Variants in TEX2 observed in about 807,000 individuals in gnomAD.
TEX2 encodes the protein testis expressed 2.
Under a neutral mutation model 106.9 loss-of-function variants are expected in TEX2, and 53 were observed. The ratio of observed to expected loss-of-function variants is 0.50; its 90% CI spans 0.40 to 0.62. The LOEUF (loss-of-function observed/expected upper bound fraction) is 0.62. Among genes scored for constraint, TEX2 ranks in the 20% least tolerant of loss-of-function variants. TEX2 has a pLI of 0.00. For missense variants in TEX2, 1,207 were observed against 1,379.0 expected, an observed-to-expected ratio of 0.88 and a Z score of 1.98; for synonymous variants, 523 against 534.8, an observed-to-expected ratio of 0.98 and a Z score of 0.30.
At chr17:64,238,907 A>T (rs2033826723) in intron 1 of TEX2, among the ~76,000 whole-genome samples, 2 of 152,198 alleles carry the variant, frequency 1.3e-5, no homozygotes, top group Non-Finnish European at 2.9e-5. Context: ...TAAAAAGCTC[A>T]CTGATAAGCA....
intron 2 of TEX2, 92 bp downstream of exon 2, chr17:64,212,482 T>A: frequency 8.0e-7 from 1 of 1,257,438 alleles, no homozygotes; most frequent in Non-Finnish European, 1.1e-6. Context: ...TGTGCAAAAA[T>A]CTTTAACAGC....
chr17:64,214,791 T>A (rs1266202297), intron 1 of TEX2, among the ~76,000 whole-genome samples: 1 of 152,234 alleles, frequency 6.6e-6, no homozygotes, highest in Admixed American at 6.5e-5. Flanking sequence ...AGTAGCAAAG[T>A]ATCCAAATGT....
At chr17:64,179,240 A>G (rs1976269) in intron 5 of TEX2, among the ~76,000 whole-genome samples, 128,733 of 151,986 alleles carry the variant, frequency 0.85, 54,585 homozygotes, top group Middle Eastern at 0.91. Context: ...TCAGTGCCCT[A>G]TAAAACGCAC....
intron 4 of TEX2, among the ~76,000 whole-genome samples, chr17:64,193,099 T>C (rs2032352601): frequency 6.6e-6 from 1 of 152,178 alleles, no homozygotes; most frequent in South Asian, 2.1e-4. Context: ...AGGTGCTGCA[T>C]GGTTATCAAT....
In TEX2 at chr17:64,213,067, C is replaced by A; in HGVS notation, c.1151G>T (p.Ser384Ile). The change falls in exon 2 of 12, where the codon AGT becomes ATT. Residue 384 changes from serine (S) to isoleucine (I), a missense_variant. This residue lies in a region of TEX2 where 1,067 missense variants were observed against 1,193.6 expected (regional missense o/e 0.89). Transcript: ENST00000584379. This position sits in a 1 kb window ranked among gnomAD's most constrained non-coding sequence, Gnocchi z 4.4. ...GEPTREIELK[S>I]SQGSSLKDLG... ...ATCCTTCAGACTGCTCCCCTGGGAA[C>A]TTTTCAGTTCTATCTCTCTTGTGGG... 3 of 1,614,220 alleles carry A rather than the reference C, an allele frequency of 1.9e-6. No homozygotes were observed. Among genetic ancestry groups the A allele is most frequent in the Non-Finnish European group, 2.5e-6 (3 of 1,180,038 alleles).
Position 64,240,443 on chromosome 17 carries a change from G to A in TEX2, c.-26+22725C>T, listed in dbSNP as rs1191570599. On this transcript the variant is annotated intron_variant, in intron 1 of 11. Coordinates refer to ENST00000584379, the MANE Select transcript of TEX2 (RefSeq NM_001288732.2). ...AGGGTGGAGGTGGAGTTACGAAGAGGAGGGAGCAAGCAGGGCTGTCCTCAG... is the reference window on the plus strand; with the variant it reads ...AGGGTGGAGGTGGAGTTACGAAGAGAAGGGAGCAAGCAGGGCTGTCCTCAG... Among the ~76,000 whole-genome samples, 9 of 152,132 alleles carry A rather than the reference G, an allele frequency of 5.9e-5. 1 individual carries two copies. The highest frequency in any genetic ancestry group is 2.2e-4 in the African/African-American group (9 of 41,404).
At chr17:64,174,804 A>AGATAGTAAGCAGT (rs2031554730) in intron 6 of TEX2, among the ~76,000 whole-genome samples, 1 of 152,234 alleles carries the variant, frequency 6.6e-6, no homozygotes, top group Non-Finnish European at 1.5e-5. Flanking sequence ...CAGCTGGCTA[A>AGATAGTAAGCAGT]GGCCAAGAGC....
chr17:64,262,631 C>A (rs1555638741), intron 1 of TEX2, among the ~76,000 whole-genome samples: 1 of 152,230 alleles, frequency 6.6e-6, no homozygotes, highest in Non-Finnish European at 1.5e-5. Flanking sequence ...CCCCGGATTT[C>A]GGCACGCCGC....
intron 2 of TEX2, among the ~76,000 whole-genome samples, chr17:64,206,565 T>C (rs2032838747): frequency 6.9e-6 from 1 of 145,698 alleles, no homozygotes; most frequent in African/African-American, 2.5e-5. Flanking sequence ...TTTTTTTTTT[T>C]TTTTTTTTTT....
chr17:64,241,811 T>C (rs1555635810), intron 1 of TEX2, among the ~76,000 whole-genome samples: 1 of 152,078 alleles, frequency 6.6e-6, no homozygotes, highest in African/African-American at 2.4e-5. Flanking sequence ...TTTTCAATGT[T>C]TTAAATAGAG....
At chr17:64,186,557 C>T (rs1188010069) in intron 5 of TEX2, among the ~76,000 whole-genome samples, 2 of 152,220 alleles carry the variant, frequency 1.3e-5, no homozygotes, top group Non-Finnish European at 2.9e-5. Flanking sequence ...TGGCTCACGC[C>T]TGTAATCTCA....
intron 1 of TEX2, among the ~76,000 whole-genome samples, chr17:64,228,929 TACACACACAC>T (rs57741930): frequency 0.54 from 78,547 of 146,568 alleles, 22,222 homozygotes; most frequent in Middle Eastern, 0.67. Context: ...GACTGACAGG[TACACACACAC>T]ACACACACAC....
chr17:64,172,161 TGGC>T (rs2031434436), intron 6 of TEX2, among the ~76,000 whole-genome samples: 3 of 151,956 alleles, frequency 2.0e-5, no homozygotes, highest in Admixed American at 1.3e-4. Flanking sequence ...GAGACCATCC[TGGC>T]TAACACGGTG....
chr17:64,188,147 C>G (rs117962928), intron 5 of TEX2, 21 bp downstream of exon 5: 1 of 1,597,954 alleles, frequency 6.3e-7, no homozygotes. Context: ...GAAAAAGGTC[C>G]GGCCCAGCAG....
chr17:64,210,636 T>G, intron 2 of TEX2, among the ~76,000 whole-genome samples: 1 of 13,342 alleles, frequency 7.5e-5, no homozygotes, highest in East Asian at 6.0e-3. Flanking sequence ...ACCCCCAGCT[T>G]TTTTTTTTTT....
chr17:64,254,790 T>C (rs1228333679), intron 1 of TEX2, among the ~76,000 whole-genome samples: 1 of 152,204 alleles, frequency 6.6e-6, no homozygotes, highest in Non-Finnish European at 1.5e-5. Context: ...GCTAAGAATG[T>C]TTGAAAATAA....
At chr17:64,212,281 T>C (rs1598184973) in intron 2 of TEX2, among the ~76,000 whole-genome samples, 1 of 152,284 alleles carries the variant, frequency 6.6e-6, no homozygotes, top group Non-Finnish European at 1.5e-5. Flanking sequence ...GCTCAGCAAG[T>C]AGCACATTCC....
intron 1 of TEX2, among the ~76,000 whole-genome samples, chr17:64,223,422 GCT>G (rs1365480743): frequency 4.7e-5 from 6 of 128,382 alleles, no homozygotes; most frequent in Non-Finnish European, 9.3e-5. Context: ...GCCCTTCCTA[GCT>G]CTGTCTTTCA....
At chr17:64,262,931 C>T (rs1555638797) in intron 1 of TEX2, among the ~76,000 whole-genome samples, 1 of 152,152 alleles carries the variant, frequency 6.6e-6, no homozygotes, top group Non-Finnish European at 1.5e-5. Context: ...CCGCCGGAGT[C>T]GAGCCCGAGC....
Sources: gnomAD v4.1 joint callset for allele counts (sites outside exome capture counted in the v4.1 genomes callset) on GRCh38, gnomAD v4.1.1 for gene constraint, gnomAD v4.1.1 regional missense constraint, Gnocchi (gnomAD v3.1) non-coding constraint, MANE v1.5 for transcripts, NCBI Gene and HGNC (gene_info 2026-07-23, HGNC 2026-07-21) for gene names.